Variants in MED13 observed in about 807,000 individuals in gnomAD.
MED13 encodes mediator of RNA polymerase II transcription subunit 13.
In MED13, 23 loss-of-function variants were observed where a neutral mutation model predicts 225.2. The ratio of observed to expected loss-of-function variants is 0.10; its 90% CI spans 0.07 to 0.14. The LOEUF is 0.14. Among genes scored for constraint, MED13 ranks in the 10% least tolerant of loss-of-function variants. The pLI, the probability that MED13 is intolerant of heterozygous loss-of-function variation, is 1.00. For synonymous variants in MED13, 942 were observed against 889.2 expected (o/e 1.06, Z -1.06); for missense variants, 2,197 against 2,594.5 (o/e 0.85, Z 3.33).
At chr17:62,046,518 G>A (rs1172630047) in intron 3 of MED13, among the ~76,000 whole-genome samples, 1 of 152,212 alleles carries the variant, frequency 6.6e-6, no homozygotes, top group East Asian at 1.9e-4. Context: ...AGCAGCATCT[G>A]TTGGATTCAT....
intron 23 of MED13, among the ~76,000 whole-genome samples, chr17:61,960,560 A>C (rs1365818573): frequency 1.3e-5 from 2 of 152,216 alleles, no homozygotes. Context: ...TTCTATAGAT[A>C]CTTTACTAGA....
chr17:62,030,431 G>C (rs1467779435), intron 6 of MED13: 2 of 153,754 alleles, frequency 1.3e-5, no homozygotes, highest in East Asian at 1.9e-4. Context: ...AGTGCGAAGG[G>C]GCCCTGGACA....
rs1468531041 is a variant in MED13, at chr17:62,063,202, T to A, written c.166A>T (p.Ser56Cys). 6.2e-7 allele frequency: 1 copy of A among 1,614,140 alleles called. No individual in the cohort carries two copies. Residue 56 changes from serine to cysteine, a missense_variant, in exon 2 of 30, where the codon AGT becomes TGT. Ser to Cys is a moderately radical substitution (Grantham distance 112). This residue lies in a region of MED13 where 884 missense variants were observed against 918.5 expected (regional missense o/e 0.96). Coordinates refer to ENST00000397786, the MANE Select transcript of MED13 (RefSeq NM_005121.3). The stretch of plus-strand genomic sequence containing the variant: ...TCTGCCTTAAGGCAGCGACTAAAAC[T>A]GCTCAAAATGGGGTCTTCTTCTGTC... ...PVTEEDPILS[S>C]FSRCLKADVL...
At chr17:61,962,242 C>A (rs1455071610) in intron 21 of MED13, among the ~76,000 whole-genome samples, 1 of 152,102 alleles carries the variant, frequency 6.6e-6, no homozygotes, top group African/African-American at 2.4e-5. Flanking sequence ...GCCGAGATCA[C>A]GCCACTGCAC....
At chr17:61,993,290 C>A (rs1223407706) in intron 10 of MED13, among the ~76,000 whole-genome samples, 3 of 150,240 alleles carry the variant, frequency 2.0e-5, no homozygotes, top group South Asian at 2.1e-4. Context: ...CAACCTCCCC[C>A]TCCTGGGTTC....
rs532107344 is a variant in MED13 at position 62,042,283 on chromosome 17, G to T, written c.471-6675C>A. Among the ~76,000 whole-genome samples the T allele has an allele frequency of 2.0e-5, 3 of 152,246 alleles. 1 individual carries two copies. In the South Asian group the frequency reaches 6.2e-4, roughly 32 times the overall value. On this transcript the variant is annotated intron_variant, in intron 3 of 29. Coordinates refer to ENST00000397786, the MANE Select transcript of MED13 (RefSeq NM_005121.3). ...TACAGTAAATAATACTTAGAAAGTG[G>T]CCAGGCACGGGGGCTGATGCCTGTA... is the stretch of plus-strand genomic sequence containing the variant.
Position 61,982,243 on chromosome 17 carries a change from C to T in MED13, c.3760G>A (p.Ala1254Thr). 1 of 1,614,112 alleles carries T rather than the reference C, an allele frequency of 6.2e-7. No individual in the cohort carries two copies. Among genetic ancestry groups the T allele is most frequent in the Non-Finnish European group, 8.5e-7 (1 of 1,180,008 alleles). The change falls in exon 16 of 30, where the codon GCA becomes ACA. Residue 1254 changes from alanine to threonine, a missense_variant. Transcript: ENST00000397786. ...TGTAAGCATGAACTTTTCACAAGTG[C>T]TTCATCAACTTTTCCTCCTGACATG... ...DNMSGGKVDE[A>T]LVKSSCLHPW...
chr17:62,056,159 G>C (rs532779132), intron 2 of MED13, among the ~76,000 whole-genome samples: 5 of 152,144 alleles, frequency 3.3e-5, no homozygotes, highest in Admixed American at 2.6e-4. Flanking sequence ...AAGGTTTTTG[G>C]TTTTGTTGGG....
chr17:62,003,623 C>CAAAAAAAAAAAAAAAAAA (rs1335956503), intron 9 of MED13: 3 of 86,074 alleles, frequency 3.5e-5, no homozygotes, highest in African/African-American at 1.6e-4. Context: ...AAAAAAAAAG[C>CAAAAAAAAAAAAAAAAAA]AAAAAGTGAA....
chr17:62,047,342 C>T (rs997777375), intron 3 of MED13, among the ~76,000 whole-genome samples: 3 of 152,030 alleles, frequency 2.0e-5, no homozygotes, highest in South Asian at 2.1e-4. Context: ...CTGTACTCCA[C>T]CCTGGGCGAT....
chr17:61,987,101 C>T lies in MED13; in HGVS notation c.2291G>A (p.Arg764His), dbSNP rs777627564. The T allele has an allele frequency of 3.4e-5, 54 of 1,607,658 alleles. No individual in the cohort carries two copies. The highest frequency in any genetic ancestry group is 5.4e-5 in the African/African-American group (4 of 74,400). ...QDAPRPTSHA[R>H]PPSTSLIYDS... Reference sequence around the variant, plus strand: ...ATAAATCAAACTTGTTGATGGAGGACGGGCATGACTAGTAGGGCGTGGAGC... The same window carrying T: ...ATAAATCAAACTTGTTGATGGAGGATGGGCATGACTAGTAGGGCGTGGAGC... Residue 764 changes from arginine to histidine, a missense_variant, in exon 12 of 30, where the codon CGT becomes CAT. This residue lies in a region of MED13 where 884 missense variants were observed against 918.5 expected (regional missense o/e 0.96). Transcript: ENST00000397786.
In MED13 at chr17:61,963,873, A is replaced by G. The variant is rs1442048796; in HGVS notation, c.4845-902T>C. 3.3e-5 allele frequency among the ~76,000 whole-genome samples: 5 copies of G among 152,226 alleles called. No individual in the cohort carries two copies. In the South Asian group the frequency reaches 1.0e-3, roughly 32 times the overall value. On this transcript the variant is annotated intron_variant, in intron 20 of 29. Coordinates refer to ENST00000397786, the MANE Select transcript of MED13 (RefSeq NM_005121.3). ...GGGAAGATCAAAACCTTCATCAAAA[A>G]AGGAATGAGAGCTGTCATAATCATT...
At chr17:61,967,568 A>G (rs2080069754) in intron 18 of MED13, among the ~76,000 whole-genome samples, 1 of 152,182 alleles carries the variant, frequency 6.6e-6, no homozygotes, top group Non-Finnish European at 1.5e-5. Context: ...CTGGTGATGG[A>G]TATGTGAGAA....
chr17:62,018,353 G>T (rs2080603238), intron 8 of MED13, among the ~76,000 whole-genome samples: 1 of 152,054 alleles, frequency 6.6e-6, no homozygotes, highest in Non-Finnish European at 1.5e-5. Context: ...AAACAATACG[G>T]TATAACAACT....
chr17:61,965,265 C>G lies in MED13; in HGVS notation c.4585G>C (p.Ala1529Pro), dbSNP rs781414980. ...GVAISTSVAT[A>P]NSTLTTASTS... is the part of the protein sequence containing the mutation. ...GAAGCTGTGGTCAAAGTTGAATTAG[C>G]TGTGGCAACTGAAGTAGATATGGCA... The change falls in exon 20 of 30, where the codon GCT becomes CCT. Residue 1529 changes from alanine to proline, a missense_variant. Physicochemically the swap from Ala to Pro is conservative, Grantham distance 27 (BLOSUM62 -1). Around this residue, in one of 12 missense-constraint regions of MED13, gnomAD observed 457 missense variants for 442.2 expected, o/e 1.03. Coordinates refer to ENST00000397786, the MANE Select transcript of MED13 (RefSeq NM_005121.3). 3 of 1,614,150 alleles carry G rather than the reference C, an allele frequency of 1.9e-6. No homozygotes were observed. The highest frequency in any genetic ancestry group is 2.5e-6 in the Non-Finnish European group (3 of 1,179,974).
rs2080388007 is a variant in MED13 at position 62,000,789 on chromosome 17, G to A, written c.1968-5424C>T. On this transcript the variant is annotated intron_variant, in intron 9 of 29. Transcript: ENST00000397786. ...TGTTGTTTTATTTTTTGGAGATGGAGTCTTGCTCTGTTGCTCAGGATGGAG... is the reference window on the plus strand; with the variant it reads ...TGTTGTTTTATTTTTTGGAGATGGAATCTTGCTCTGTTGCTCAGGATGGAG... Among the ~76,000 whole-genome samples, 5 of 152,138 alleles carry A rather than the reference G, an allele frequency of 3.3e-5. No individual in the cohort carries two copies. In the South Asian group the frequency reaches 1.0e-3, roughly 32 times the overall value.
Position 61,995,369 on chromosome 17 carries a change from C to A in MED13, c.1968-4G>T, listed in dbSNP as rs902418107. On this transcript the variant is annotated splice_region_variant and splice_polypyrimidine_tract_variant and intron_variant, in intron 9 of 29. Coordinates refer to ENST00000397786, the MANE Select transcript of MED13 (RefSeq NM_005121.3). ...TTTCTTACATTGCACCATTAACCTG[C>A]ATAAAAAAATTAAAAAAAATTAATT... The A allele has an allele frequency of 1.9e-6, 3 of 1,554,992 alleles. No homozygotes were observed. Among genetic ancestry groups the A allele is most frequent in the Admixed American group, 2.1e-5 (1 of 46,682 alleles).
At chr17:61,950,735 C>T (rs1439642910) in intron 28 of MED13, 90 bp downstream of exon 28, 1 of 1,307,118 alleles carries the variant, frequency 7.7e-7, no homozygotes, top group African/African-American at 1.5e-5. Context: ...CTTAGACAAG[C>T]TATAAGACTT....
intron 28 of MED13, 142 bp from the exon 29 acceptor site, chr17:61,947,159 T>C: frequency 3.6e-6 from 2 of 549,500 alleles, no homozygotes; most frequent in Non-Finnish European, 3.2e-6. Flanking sequence ...ACTATAAAAA[T>C]GCTTGTTCTC....
Sources: allele counts gnomAD v4.1 joint callset (sites outside exome capture counted in the v4.1 genomes callset), GRCh38; gene constraint gnomAD v4.1.1; regional missense constraint gnomAD v4.1.1; transcripts MANE v1.5; gene names NCBI Gene and HGNC (gene_info 2026-07-23, HGNC 2026-07-21).